Variants in TTC7B observed in about 807,000 individuals in gnomAD.
TTC7B encodes the protein tetratricopeptide repeat protein 7B.
In TTC7B, 28 loss-of-function variants were observed where a neutral mutation model predicts 106.8. The ratio of observed to expected loss-of-function variants is 0.26; its 90% CI spans 0.19 to 0.36. The LOEUF (loss-of-function observed/expected upper bound fraction) is 0.36. Among genes scored for constraint, TTC7B ranks in the 10% least tolerant of loss-of-function variants. The pLI, the probability that TTC7B is intolerant of heterozygous loss-of-function variation, is 1.00. For missense variants in TTC7B, 862 were observed against 1,076.4 expected (o/e 0.80, Z 2.79); for synonymous variants, 405 against 430.6 (o/e 0.94, Z 0.74).
intron 5 of TTC7B, among the ~76,000 whole-genome samples, chr14:90,709,030 G>A (rs1444574653): frequency 4.6e-5 from 7 of 151,284 alleles, no homozygotes; most frequent in Non-Finnish European, 1.0e-4. Flanking sequence ...AAAAAGTCAG[G>A]AAACAACAGG....
intron 5 of TTC7B, among the ~76,000 whole-genome samples, chr14:90,709,509 G>A: frequency 7.2e-6 from 1 of 139,078 alleles, no homozygotes; most frequent in Non-Finnish European, 1.5e-5. Flanking sequence ...ACACAGGAAG[G>A]GGAACATCAC....
At chr14:90,715,337 T>G (rs1247047568) in intron 5 of TTC7B, among the ~76,000 whole-genome samples, 1 of 152,174 alleles carries the variant, frequency 6.6e-6, no homozygotes, top group Non-Finnish European at 1.5e-5. Context: ...GTGTCTTTTT[T>G]TACGTGGATA....
At chr14:90,796,102 G>A (rs761991731) in intron 1 of TTC7B, among the ~76,000 whole-genome samples, 11 of 152,242 alleles carry the variant, frequency 7.2e-5, no homozygotes, top group Admixed American at 1.3e-4. Flanking sequence ...TCAGCCTCCA[G>A]AAGGGGCCCA....
intron 7 of TTC7B, among the ~76,000 whole-genome samples, chr14:90,689,276 C>T (rs1420709235): frequency 2.6e-4 from 39 of 152,058 alleles, no homozygotes; most frequent in Non-Finnish European, 1.5e-5. Context: ...AAGAAAATTC[C>T]AAAAGCCAAT....
chr14:90,615,709 A>G (rs888630041), intron 16 of TTC7B, among the ~76,000 whole-genome samples: 1 of 152,066 alleles, frequency 6.6e-6, no homozygotes, highest in Non-Finnish European at 1.5e-5. Context: ...GCTGGCGGGG[A>G]TGACTACATT....
intron 19 of TTC7B, among the ~76,000 whole-genome samples, chr14:90,560,106 T>G (rs899148454): frequency 1.3e-5 from 2 of 152,228 alleles, no homozygotes; most frequent in Admixed American, 1.3e-4. Flanking sequence ...TGTCCGGTGC[T>G]CTCCTGACTC....
intron 3 of TTC7B, among the ~76,000 whole-genome samples, chr14:90,762,652 C>T (rs902372522): frequency 5.3e-5 from 8 of 152,134 alleles, no homozygotes; most frequent in African/African-American, 9.7e-5. Flanking sequence ...TGACATGTAT[C>T]GGGTTTGCTC....
intron 19 of TTC7B, among the ~76,000 whole-genome samples, chr14:90,560,225 C>T (rs969293298): frequency 1.2e-4 from 18 of 152,218 alleles, no homozygotes; most frequent in African/African-American, 3.9e-4. Flanking sequence ...TGATTTGTGG[C>T]GCCTGCCAAT....
intron 7 of TTC7B, among the ~76,000 whole-genome samples, chr14:90,684,889 T>G (rs938561809): frequency 1.3e-5 from 2 of 152,106 alleles, no homozygotes; most frequent in Admixed American, 1.3e-4. Flanking sequence ...AAAAGCTTAC[T>G]CTAAAAAATA....
intron 19 of TTC7B, among the ~76,000 whole-genome samples, chr14:90,547,641 T>C (rs892415239): frequency 1.8e-4 from 27 of 152,194 alleles, no homozygotes; most frequent in African/African-American, 6.5e-4. Flanking sequence ...ACTAAAAAAA[T>C]ACAAAAGTTA....
intron 6 of TTC7B, among the ~76,000 whole-genome samples, chr14:90,694,288 C>A (rs902524727): frequency 6.6e-6 from 1 of 151,964 alleles, no homozygotes. Flanking sequence ...ATAGCAAATG[C>A]CCCAAATAGG....
intron 5 of TTC7B, among the ~76,000 whole-genome samples, chr14:90,727,799 C>T (rs575356635): frequency 1.3e-5 from 2 of 152,210 alleles, no homozygotes; most frequent in Non-Finnish European, 2.9e-5. Flanking sequence ...TCAGTCAATC[C>T]TGTCCATTAT....
At chr14:90,707,639 C>A (rs574534577) in intron 5 of TTC7B, among the ~76,000 whole-genome samples, 2 of 152,124 alleles carry the variant, frequency 1.3e-5, no homozygotes, top group Non-Finnish European at 2.9e-5. Context: ...AGCAAAAGAG[C>A]CTTATTGCTG....
rs555598369 is a variant in TTC7B, at chr14:90,800,812, A to G, written c.122-14484T>C. On this transcript the variant is annotated intron_variant, in intron 1 of 19. Coordinates refer to ENST00000328459, the MANE Select transcript of TTC7B (RefSeq NM_001010854.2). Reference sequence around the variant, plus strand: ...GATGACAGAGCAAGACTCCGTCTCAAAAAAAGGTCAGAGTCCAAGGAGATG... The same window carrying G: ...GATGACAGAGCAAGACTCCGTCTCAGAAAAAGGTCAGAGTCCAAGGAGATG... 1.1e-4 allele frequency among the ~76,000 whole-genome samples: 16 copies of G among 152,006 alleles called. No individual in the cohort carries two copies. In the South Asian group the frequency reaches 2.9e-3, roughly 28 times the overall value.
At chr14:90,637,400 A>C (rs1046511382) in intron 15 of TTC7B, among the ~76,000 whole-genome samples, 3 of 26,738 alleles carry the variant, frequency 1.1e-4, no homozygotes, top group African/African-American at 5.1e-4. Flanking sequence ...TCCCACAGAG[A>C]AAAACCCCCC....
chr14:90,631,648 T>G (rs1286440), intron 15 of TTC7B, among the ~76,000 whole-genome samples: 36,087 of 152,040 alleles, frequency 0.24, 4,692 homozygotes, highest in Admixed American at 0.3. Context: ...CTTTGTGATC[T>G]GCCCATCTCA....
chr14:90,795,664 C>T (rs1258944818), intron 1 of TTC7B, among the ~76,000 whole-genome samples: 1 of 152,158 alleles, frequency 6.6e-6, no homozygotes, highest in African/African-American at 2.4e-5. Context: ...TAATATGTAA[C>T]GCACATAGTC....
chr14:90,655,167 TCC>T (rs1315487735), intron 11 of TTC7B, 57 bp from the exon 12 acceptor site: 140 of 1,341,656 alleles, frequency 1.0e-4, no homozygotes, highest in Non-Finnish European at 1.4e-4. Context: ...TAACATGAGT[TCC>T]CATAAGCGTC....
intron 17 of TTC7B, among the ~76,000 whole-genome samples, chr14:90,603,875 G>A (rs756074770): frequency 2.0e-5 from 3 of 152,114 alleles, no homozygotes; most frequent in Admixed American, 6.6e-5. Flanking sequence ...GTGGATTCTC[G>A]AGAGCTTCAG....
Sources: allele counts gnomAD v4.1 joint callset (sites outside exome capture counted in the v4.1 genomes callset), GRCh38; gene constraint gnomAD v4.1.1; transcripts MANE v1.5; gene names NCBI Gene and HGNC (gene_info 2026-07-23, HGNC 2026-07-21).